The following FNBP1 variants were observed in gnomAD, a reference collection of about 807,000 sequenced individuals.
FNBP1 encodes the protein formin-binding protein 1.
Under a neutral mutation model 90.6 loss-of-function variants are expected in FNBP1, and 26 were observed. That is an observed-to-expected ratio of 0.29 (90% CI 0.21 to 0.40). The LOEUF is 0.40. FNBP1 is among the 10% of genes least tolerant of loss of function. FNBP1 has a pLI of 1.00. For missense variants in FNBP1, 635 were observed against 768.0 expected, an observed-to-expected ratio of 0.83 and a Z score of 2.05; for synonymous variants, 260 against 265.2, an observed-to-expected ratio of 0.98 and a Z score of 0.19.
intron 1 of FNBP1, among the ~76,000 whole-genome samples, chr9:130,018,095 T>C (rs1315156644): frequency 6.6e-6 from 1 of 151,444 alleles, no homozygotes; most frequent in Non-Finnish European, 1.5e-5. Context: ...TTAATATTTT[T>C]AGTAGAGACA....
At chr9:130,050,904 ATT>A in the FNBP1 span, among the ~76,000 whole-genome samples, 130 of 139,090 alleles carry the variant, frequency 9.3e-4, no homozygotes, top group Admixed American at 1.9e-3. Context: ...ATGCTCGCTA[ATT>A]TTTTTTTTTT....
chr9:129,971,510 C>A (rs566578790), intron 4 of FNBP1, among the ~76,000 whole-genome samples: 1 of 152,130 alleles, frequency 6.6e-6, no homozygotes, highest in Non-Finnish European at 1.5e-5. Flanking sequence ...CCTGCCTCAG[C>A]CTCCAGAGTA....
At chr9:129,943,334 ATT>A (rs1277242878) in intron 6 of FNBP1, among the ~76,000 whole-genome samples, 2 of 139,224 alleles carry the variant, frequency 1.4e-5, no homozygotes, top group Admixed American at 1.4e-4. Context: ...CGTTTTTATA[ATT>A]TTTTTTCCTT....
intron 1 of FNBP1, among the ~76,000 whole-genome samples, chr9:130,008,445 G>C (rs924346890): frequency 2.0e-5 from 3 of 152,166 alleles, no homozygotes. Flanking sequence ...AAGAGGAAAA[G>C]TATTAGGGAT....
intron 1 of FNBP1, among the ~76,000 whole-genome samples, chr9:130,019,851 C>A (rs753765356): frequency 6.6e-6 from 1 of 152,098 alleles, no homozygotes; most frequent in Admixed American, 6.5e-5. Context: ...AGCCACCGCG[C>A]CCGGCCCACA....
chr9:130,008,386 A>G, intron 1 of FNBP1, among the ~76,000 whole-genome samples: 1 of 152,222 alleles, frequency 6.6e-6, no homozygotes, highest in Non-Finnish European at 1.5e-5. Context: ...TTTTTTAAAT[A>G]GTTTAAAAAT....
intron 6 of FNBP1, among the ~76,000 whole-genome samples, chr9:129,954,624 T>TTCAATAA (rs2046644273): frequency 1.3e-5 from 2 of 152,188 alleles, no homozygotes; most frequent in South Asian, 2.1e-4. Context: ...TTTAATGATA[T>TTCAATAA]TCAATAATAA....
intron 6 of FNBP1, chr9:129,936,525 A>G (rs1296311375): frequency 6.6e-6 from 1 of 152,064 alleles, no homozygotes; most frequent in East Asian, 1.9e-4. Flanking sequence ...ACAAAATTAA[A>G]CTTGCCACTT....
rs1259545500 is a variant in FNBP1 at position 129,924,971 on chromosome 9, TGATGAACGG to T, written c.967_975del (p.Pro323_Ile325del). ...CCAACCATCAGTACCTTATTTTTTT[TGATGAACGG>T]CCATAACTTTCCTTTGGATTTGCCA... is the stretch of plus-strand genomic sequence containing the variant. On this transcript the variant is annotated inframe_deletion, in exon 9 of 17. Coordinates refer to ENST00000446176, the MANE Select transcript of FNBP1 (RefSeq NM_015033.3). The T allele has an allele frequency of 1.9e-6, 3 of 1,612,478 alleles. No homozygotes were observed. Among genetic ancestry groups the T allele is most frequent in the Admixed American group, 1.7e-5 (1 of 59,662 alleles).
At chr9:129,898,638 C>T (rs1201790963) in intron 15 of FNBP1, among the ~76,000 whole-genome samples, 1 of 152,072 alleles carries the variant, frequency 6.6e-6, no homozygotes, top group Non-Finnish European at 1.5e-5. Flanking sequence ...TACAGGCATG[C>T]GCTACCACGC....
At chr9:129,962,906 C>G (rs1211591905) in intron 4 of FNBP1, among the ~76,000 whole-genome samples, 1 of 152,154 alleles carries the variant, frequency 6.6e-6, no homozygotes, top group East Asian at 1.9e-4. Context: ...CCCCAGAGAC[C>G]AGAGCGTCAA....
At chr9:129,891,429 C>T (rs1467447463) in intron 16 of FNBP1, among the ~76,000 whole-genome samples, 2 of 152,136 alleles carry the variant, frequency 1.3e-5, no homozygotes, top group Non-Finnish European at 2.9e-5. Context: ...CACACCACTG[C>T]ACTTCAGCTT....
intron 4 of FNBP1, among the ~76,000 whole-genome samples, chr9:129,965,815 G>A (rs901200011): frequency 6.6e-4 from 10 of 15,152 alleles, no homozygotes; most frequent in South Asian, 2.5e-3. Context: ...GAGGGAGGGA[G>A]GGAGGAAGGA....
intron 8 of FNBP1, among the ~76,000 whole-genome samples, chr9:129,926,004 C>T (rs1050353152): frequency 1.3e-4 from 20 of 150,728 alleles, no homozygotes; most frequent in African/African-American, 4.9e-4. Flanking sequence ...CAGAGTCTCG[C>T]TCTGTCACTC....
At position 129,888,703 on chromosome 9, in the gene FNBP1, T is replaced by G. The variant is rs573386238; in HGVS notation, c.*1836A>C. On this transcript the variant is annotated 3_prime_UTR_variant, in exon 17 of 17. Coordinates refer to ENST00000446176, the MANE Select transcript of FNBP1 (RefSeq NM_015033.3). ...TCACCTGCCTGGGCCTCAGCGTCTC[T>G]GCGCTTGTGGTTTCTCGTCCCCGAG... 1 of 233,278 alleles carries G rather than the reference T, an allele frequency of 4.3e-6. No homozygotes were observed. The highest frequency in any genetic ancestry group is 2.2e-5 in the African/African-American group (1 of 45,466). 14.5% of individuals were successfully genotyped at this position (233,278 alleles called of 1,614,324 possible). A position where few individuals can be genotyped will look rare whatever the true frequency, so the allele number is the denominator to read the frequency against.
chr9:129,969,753 T>TA (rs567360200), intron 4 of FNBP1, among the ~76,000 whole-genome samples: 5 of 151,500 alleles, frequency 3.3e-5, no homozygotes, highest in African/African-American at 7.3e-5. Context: ...TAAAAAAAAT[T>TA]AAAAAAAAAT....
the FNBP1 span, among the ~76,000 whole-genome samples, chr9:130,049,666 A>G: frequency 6.6e-6 from 1 of 151,826 alleles, no homozygotes; most frequent in Non-Finnish European, 1.5e-5. Context: ...GCACCACCGC[A>G]CTCCAGCCCG....
intron 10 of FNBP1, among the ~76,000 whole-genome samples, chr9:129,918,181 C>A (rs897919588): frequency 2.0e-5 from 3 of 152,296 alleles, no homozygotes; most frequent in Non-Finnish European, 2.9e-5. Context: ...GAACAGAAAT[C>A]CCCATTGAAT....
chr9:129,904,186 A>AAC (rs2037527200), intron 12 of FNBP1, among the ~76,000 whole-genome samples: 1 of 152,228 alleles, frequency 6.6e-6, no homozygotes, highest in African/African-American at 2.4e-5. Context: ...TGGAAATGTT[A>AAC]ACACACACCC....
Sources: gnomAD v4.1 joint callset for allele counts (sites outside exome capture counted in the v4.1 genomes callset) on GRCh38, gnomAD v4.1.1 for gene constraint, MANE v1.5 for transcripts, NCBI Gene and HGNC (gene_info 2026-07-23, HGNC 2026-07-21) for gene names.